The following BECN2 variants were observed in gnomAD, a reference collection of about 807,000 sequenced individuals.
The protein encoded by BECN2 is beclin-2.
For missense variants in BECN2, 428 were observed against 507.9 expected, an observed-to-expected ratio of 0.84 and a Z score of 1.51; for synonymous variants, 173 against 220.1, an observed-to-expected ratio of 0.79 and a Z score of 1.90.
At position 241,958,595 on chromosome 1, in the gene BECN2, A is replaced by C; in HGVS notation, c.829A>C (p.Thr277Pro). 1 of 1,231,688 alleles carries C rather than the reference A, an allele frequency of 8.1e-7. No individual in the cohort carries two copies. The highest frequency in any genetic ancestry group is 1.6e-5 in the African/African-American group (1 of 64,516). 76.3% of individuals were successfully genotyped at this position (1,231,688 alleles called of 1,614,324 possible). ...INNFRLGRLP[T>P]VRVGWNEINT... ...TAACTTCAGGTTGGGCCGCCTCCCC[A>C]CTGTCCGTGTGGGCTGGAATGAGAT... The change falls in exon 1 of 1, where the codon ACT (threonine) becomes CCT (proline). Residue 277 changes from threonine to proline, a missense_variant. Thr to Pro is a conservative substitution (Grantham distance 38, BLOSUM62 -1). Transcript: ENST00000419583.
In BECN2 at chr1:241,958,023, A is replaced by G. The variant is rs1420825125; in HGVS notation, c.257A>G (p.Glu86Gly). ...GCCAACATCTTCACCCTGCTGGGGG[A>G]GCTTGGCGCCATGCACATGCTCAGT... ...GHANIFTLLG[E>G]LGAMHMLSSI... The change falls in exon 1 of 1, where the codon GAG (glutamate) becomes GGG (glycine). Residue 86 changes from glutamate (E) to glycine (G), a missense_variant. By Grantham distance (98) the Glu-to-Gly change is moderately conservative. Transcript: ENST00000419583. 1.6e-6 allele frequency: 2 copies of G among 1,231,906 alleles called. No homozygotes were observed. The highest frequency in any genetic ancestry group is 4.2e-5 in the Admixed American group (1 of 23,710). The allele number at this position is 1,231,906 out of a possible 1,614,324, so 76.3% of individuals were successfully genotyped here. A position where few individuals can be genotyped will look rare whatever the true frequency, so the allele number is the denominator to read the frequency against.
chr1:241,957,815 C>G lies in BECN2; in HGVS notation c.49C>G (p.Leu17Val). 8.1e-7 allele frequency: 1 copy of G among 1,231,818 alleles called. No individual in the cohort carries two copies. The allele number at this position is 1,231,818 out of a possible 1,614,324, so 76.3% of individuals were successfully genotyped here. The change falls in exon 1 of 1, where the codon CTG (leucine) becomes GTG (valine). Residue 17 changes from leucine (L) to valine (V), a missense_variant. Leu to Val is a conservative substitution (Grantham distance 32, BLOSUM62 1). Transcript: ENST00000419583. ...CCAGCGCTGCCACCAGGCCCTGAAG[C>G]TGAGCGGCTCCTCGGAGTCTAGGAG... Reference protein sequence around the residue: ...LCQRCHQALKLSGSSESRSLP... With the variant: ...LCQRCHQALKVSGSSESRSLP...
Position 241,958,238 on chromosome 1 carries a change from G to C in BECN2, c.472G>C (p.Glu158Gln). Reference protein sequence around the residue: ...ETGELATSEDEAAALRAELRD... With the variant: ...ETGELATSEDQAAALRAELRD... ...CGGGGAGCTGGCGACCAGCGAGGAC[G>C]AGGCGGCGGCGCTGCGGGCGGAGCT... The change falls in exon 1 of 1, where the codon GAG (glutamate) becomes CAG (glutamine). Residue 158 changes from glutamate (E) to glutamine (Q), a missense_variant. Physicochemically the swap from Glu to Gln is conservative, Grantham distance 29. Coordinates refer to ENST00000419583, the MANE Select transcript of BECN2 (RefSeq NM_001290693.1). The C allele has an allele frequency of 1.6e-6, 2 of 1,233,576 alleles. No homozygotes were observed. The highest frequency in any genetic ancestry group is 2.0e-6 in the Non-Finnish European group (2 of 989,430). 76.4% of individuals were successfully genotyped at this position (1,233,576 alleles called of 1,614,324 possible).
At position 241,958,616 on chromosome 1, in the gene BECN2, G is replaced by C; in HGVS notation, c.850G>C (p.Glu284Gln). The change falls in exon 1 of 1, where the codon GAG (glutamate) becomes CAG (glutamine). Residue 284 changes from glutamate to glutamine, a missense_variant. Coordinates refer to ENST00000419583, the MANE Select transcript of BECN2 (RefSeq NM_001290693.1). ...CCCCACTGTCCGTGTGGGCTGGAATGAGATTAACACTGCCTGGGGACAGGC... is the reference window on the plus strand; with the variant it reads ...CCCCACTGTCCGTGTGGGCTGGAATCAGATTAACACTGCCTGGGGACAGGC... ...RLPTVRVGWN[E>Q]INTAWGQAAL... The C allele has an allele frequency of 8.1e-7, 1 of 1,231,784 alleles. No individual in the cohort carries two copies. The highest frequency in any genetic ancestry group is 1.0e-6 in the Non-Finnish European group (1 of 988,018). 76.3% of individuals were successfully genotyped at this position (1,231,784 alleles called of 1,614,324 possible).
Position 241,958,078 on chromosome 1 carries a change from T to G in BECN2, c.312T>G (p.Phe104Leu), listed in dbSNP as rs1664455689. 2.4e-6 allele frequency: 3 copies of G among 1,231,878 alleles called. No individual in the cohort carries two copies. The highest frequency in any genetic ancestry group is 3.0e-6 in the Non-Finnish European group (3 of 988,152). 76.3% of individuals were successfully genotyped at this position (1,231,878 alleles called of 1,614,324 possible). A position where few individuals can be genotyped will look rare whatever the true frequency, so the allele number is the denominator to read the frequency against. Residue 104 changes from phenylalanine to leucine, a missense_variant, in exon 1 of 1, where the codon TTT becomes TTG. Coordinates refer to ENST00000419583, the MANE Select transcript of BECN2 (RefSeq NM_001290693.1). ...SSIQKAAGDI[F>L]DIVSGQAVVD... ...TCCAGAAGGCAGCTGGTGACATTTT[T>G]GACATAGTCTCTGGCCAAGCAGTTG...
Position 241,957,861 on chromosome 1 carries a change from C to T in BECN2, c.95C>T (p.Pro32Leu), listed in dbSNP as rs554618230. ...AGGAGCCTCCCTGCAGCCCCGGCGC[C>T]CACCTCTGGGCAGGCTGAGCCCGGA... ...ESRSLPAAPA[P>L]TSGQAEPGDT... Residue 32 changes from proline (P) to leucine (L), a missense_variant, in exon 1 of 1, where the codon CCC becomes CTC. Transcript: ENST00000419583. 33 of 1,231,610 alleles carry T rather than the reference C, an allele frequency of 2.7e-5. No individual in the cohort carries two copies. Among genetic ancestry groups the T allele is most frequent in the Admixed American group, 1.7e-4 (4 of 23,704 alleles). 76.3% of individuals were successfully genotyped at this position (1,231,610 alleles called of 1,614,324 possible).
chr1:241,957,877 T>TGAGCCC lies in BECN2; in HGVS notation c.113_118dup (p.Glu38_Pro39dup). ...CCCCGGCGCCCACCTCTGGGCAGGC[T>TGAGCCC]GAGCCCGGAGACACCCGGGAGCCCG... On this transcript the variant is annotated inframe_insertion, in exon 1 of 1. Coordinates refer to ENST00000419583, the MANE Select transcript of BECN2 (RefSeq NM_001290693.1). 1.6e-6 allele frequency: 2 copies of TGAGCCC among 1,231,394 alleles called. No individual in the cohort carries two copies. The highest frequency in any genetic ancestry group is 6.3e-5 in the East Asian group (2 of 31,688). 76.3% of individuals were successfully genotyped at this position (1,231,394 alleles called of 1,614,324 possible).
chr1:241,958,171 C>T lies in BECN2; in HGVS notation c.405C>T (p.Leu135=). The change falls in exon 1 of 1, where the codon CTC becomes CTT. Residue 135 remains leucine, a synonymous_variant. Coordinates refer to ENST00000419583, the MANE Select transcript of BECN2 (RefSeq NM_001290693.1). The part of the protein sequence containing the change: ...LLEQLDIQLA[L]TEADSQNYQR... ...AGCAGCTGGACATCCAGCTCGCTCT[C>T]ACAGAAGCTGACAGTCAGAACTACC... 2 of 1,232,194 alleles carry T rather than the reference C, an allele frequency of 1.6e-6. No homozygotes were observed. Among genetic ancestry groups the T allele is most frequent in the Non-Finnish European group, 2.0e-6 (2 of 988,262 alleles). The allele number at this position is 1,232,194 out of a possible 1,614,324, so 76.3% of individuals were successfully genotyped here.
rs1348641388 is a variant in BECN2, at chr1:241,957,959, A to C, written c.193A>C (p.Arg65=). Residue 65 remains arginine, a synonymous_variant, in exon 1 of 1, where the codon AGA becomes CGA. Coordinates refer to ENST00000419583, the MANE Select transcript of BECN2 (RefSeq NM_001290693.1). Reference sequence around the variant, plus strand: ...GGAGCAACAGGACGGTGCCTCTAGCAGATCCCCTCCAGGCGATGGCAGTGT... The same window carrying C: ...GGAGCAACAGGACGGTGCCTCTAGCCGATCCCCTCCAGGCGATGGCAGTGT... ...AEEQQDGASS[R]SPPGDGSVSK... The C allele has an allele frequency of 1.6e-6, 2 of 1,231,738 alleles. No individual in the cohort carries two copies. Among genetic ancestry groups the C allele is most frequent in the Admixed American group, 4.2e-5 (1 of 23,696 alleles). The allele number at this position is 1,231,738 out of a possible 1,614,324, so 76.3% of individuals were successfully genotyped here. A position where few individuals can be genotyped will look rare whatever the true frequency, so the allele number is the denominator to read the frequency against.
Position 241,958,722 on chromosome 1 carries a change from C to T in BECN2, c.956C>T (p.Ser319Leu). 2.4e-6 allele frequency: 3 copies of T among 1,231,746 alleles called. No homozygotes were observed. The highest frequency in any genetic ancestry group is 3.1e-4 in the Middle Eastern group (1 of 3,208). 76.3% of individuals were successfully genotyped at this position (1,231,746 alleles called of 1,614,324 possible). Residue 319 changes from serine (S) to leucine (L), a missense_variant, in exon 1 of 1, where the codon TCG becomes TTG. By Grantham distance (145) the Ser-to-Leu change is moderately radical. Coordinates refer to ENST00000419583, the MANE Select transcript of BECN2 (RefSeq NM_001290693.1). ...CGACTCATCCCCTGCGGAAACCATT[C>T]GTATCTGAAGTCTTTAACAGATGAC... ...RYRLIPCGNH[S>L]YLKSLTDDRT...
In BECN2 at chr1:241,958,304, C is replaced by A; in HGVS notation, c.538C>A (p.Leu180Met). The change falls in exon 1 of 1, where the codon CTG becomes ATG. Residue 180 changes from leucine (L) to methionine (M), a missense_variant. Physicochemically the swap from Leu to Met is conservative, Grantham distance 15. Coordinates refer to ENST00000419583, the MANE Select transcript of BECN2 (RefSeq NM_001290693.1). Reference sequence around the variant, plus strand: ...GGAGGAGGCCAGGCTGGTGCAGGAGCTGGAGGATGTGGACAGGAACAATGC... The same window carrying A: ...GGAGGAGGCCAGGCTGGTGCAGGAGATGGAGGATGTGGACAGGAACAATGC... Reference protein sequence around the residue: ...ELEEARLVQELEDVDRNNARA... With the variant: ...ELEEARLVQEMEDVDRNNARA... 1 of 1,233,734 alleles carries A rather than the reference C, an allele frequency of 8.1e-7. No homozygotes were observed. Among genetic ancestry groups the A allele is most frequent in the Non-Finnish European group, 1.0e-6 (1 of 989,526 alleles). 76.4% of individuals were successfully genotyped at this position (1,233,734 alleles called of 1,614,324 possible).
Position 241,957,835 on chromosome 1 carries a change from T to C in BECN2, c.69T>C (p.Ser23=). 1 of 1,231,776 alleles carries C rather than the reference T, an allele frequency of 8.1e-7. No homozygotes were observed. Among genetic ancestry groups the C allele is most frequent in the African/African-American group, 1.5e-5 (1 of 64,534 alleles). 76.3% of individuals were successfully genotyped at this position (1,231,776 alleles called of 1,614,324 possible). Reference sequence around the variant, plus strand: ...TGAAGCTGAGCGGCTCCTCGGAGTCTAGGAGCCTCCCTGCAGCCCCGGCGC... The same window carrying C: ...TGAAGCTGAGCGGCTCCTCGGAGTCCAGGAGCCTCCCTGCAGCCCCGGCGC... ...QALKLSGSSE[S]RSLPAAPAPT... The change falls in exon 1 of 1, where the codon TCT becomes TCC. Residue 23 remains serine (S), a synonymous_variant. Coordinates refer to ENST00000419583, the MANE Select transcript of BECN2 (RefSeq NM_001290693.1).
At position 241,957,858 on chromosome 1, in the gene BECN2, C is replaced by T. The variant is rs1664451758; in HGVS notation, c.92C>T (p.Ala31Val). The change falls in exon 1 of 1, where the codon GCG becomes GTG. Residue 31 changes from alanine (A) to valine (V), a missense_variant. Physicochemically the swap from Ala to Val is moderately conservative, Grantham distance 64. Transcript: ENST00000419583. ...SESRSLPAAP[A>V]PTSGQAEPGD... ...TCTAGGAGCCTCCCTGCAGCCCCGGCGCCCACCTCTGGGCAGGCTGAGCCC... is the reference window on the plus strand; with the variant it reads ...TCTAGGAGCCTCCCTGCAGCCCCGGTGCCCACCTCTGGGCAGGCTGAGCCC... 1.6e-5 allele frequency: 20 copies of T among 1,231,522 alleles called. No homozygotes were observed. In the South Asian group the frequency reaches 1.6e-4, roughly 10 times the overall value. 76.3% of individuals were successfully genotyped at this position (1,231,522 alleles called of 1,614,324 possible).
rs1664472259 is a variant in BECN2, at chr1:241,958,801, C to A, written c.1035C>A (p.Asn345Lys). ...CYGGQDVFLN[N>K]KYDRAMVAFL... ...GGGGGCAGGATGTTTTCCTCAATAACAAGTATGACCGCGCGATGGTGGCCT... is the reference window on the plus strand; with the variant it reads ...GGGGGCAGGATGTTTTCCTCAATAAAAAGTATGACCGCGCGATGGTGGCCT... Residue 345 changes from asparagine (N) to lysine (K), a missense_variant, in exon 1 of 1, where the codon AAC (asparagine) becomes AAA (lysine). Asn to Lys is a moderately conservative substitution (Grantham distance 94, BLOSUM62 0). Coordinates refer to ENST00000419583, the MANE Select transcript of BECN2 (RefSeq NM_001290693.1). 8.9e-6 allele frequency: 11 copies of A among 1,231,858 alleles called. No homozygotes were observed. Among genetic ancestry groups the A allele is most frequent in the Non-Finnish European group, 1.0e-5 (10 of 988,102 alleles). 76.3% of individuals were successfully genotyped at this position (1,231,858 alleles called of 1,614,324 possible).
At chr1:241,958,894 C>G in the BECN2 span, 16 of 1,231,876 alleles carry the variant, frequency 1.3e-5, no homozygotes, top group Non-Finnish European at 1.4e-5. Flanking sequence ...CTCTGCCCTA[C>G]GGGATCCAGG....
In BECN2 at chr1:241,958,789, T is replaced by C. The variant is rs1173642482; in HGVS notation, c.1023T>C (p.Val341=). The C allele has an allele frequency of 8.1e-7, 1 of 1,231,672 alleles. No homozygotes were observed. Among genetic ancestry groups the C allele is most frequent in the Non-Finnish European group, 1.0e-6 (1 of 988,064 alleles). The allele number at this position is 1,231,672 out of a possible 1,614,324, so 76.3% of individuals were successfully genotyped here. A position where few individuals can be genotyped will look rare whatever the true frequency, so the allele number is the denominator to read the frequency against. Residue 341 remains valine (V), a synonymous_variant, in exon 1 of 1, where the codon GTT becomes GTC. Transcript: ENST00000419583. ...LPLFCYGGQD[V]FLNNKYDRAM... ...TGTTCTGTTATGGGGGGCAGGATGT[T>C]TTCCTCAATAACAAGTATGACCGCG...
rs1467847860 is a variant in BECN2 at position 241,958,629 on chromosome 1, C to A, written c.863C>A (p.Ala288Asp). The A allele has an allele frequency of 8.1e-7, 1 of 1,231,778 alleles. No homozygotes were observed. Among genetic ancestry groups the A allele is most frequent in the East Asian group, 3.2e-5 (1 of 31,708 alleles). 76.3% of individuals were successfully genotyped at this position (1,231,778 alleles called of 1,614,324 possible). Reference protein sequence around the residue: ...VRVGWNEINTAWGQAALLLLT... With the variant: ...VRVGWNEINTDWGQAALLLLT... Reference sequence around the variant, plus strand: ...GTGGGCTGGAATGAGATTAACACTGCCTGGGGACAGGCGGCCTTGCTGCTC... The same window carrying A: ...GTGGGCTGGAATGAGATTAACACTGACTGGGGACAGGCGGCCTTGCTGCTC... The change falls in exon 1 of 1, where the codon GCC becomes GAC. Residue 288 changes from alanine (A) to aspartate (D), a missense_variant. By Grantham distance (126) the Ala-to-Asp change is moderately radical. Coordinates refer to ENST00000419583, the MANE Select transcript of BECN2 (RefSeq NM_001290693.1).
In BECN2 at chr1:241,958,441, G is replaced by C; in HGVS notation, c.675G>C (p.Leu225=). The C allele has an allele frequency of 8.1e-7, 1 of 1,231,902 alleles. No homozygotes were observed. The highest frequency in any genetic ancestry group is 1.0e-6 in the Non-Finnish European group (1 of 988,070). 76.3% of individuals were successfully genotyped at this position (1,231,902 alleles called of 1,614,324 possible). A position where few individuals can be genotyped will look rare whatever the true frequency, so the allele number is the denominator to read the frequency against. ...YSALKRQQLE[L]LDQLGNVENQ... Reference sequence around the variant, plus strand: ...CCTTGAAGCGGCAGCAGCTGGAACTGCTTGATCAGCTGGGGAACGTGGAGA... The same window carrying C: ...CCTTGAAGCGGCAGCAGCTGGAACTCCTTGATCAGCTGGGGAACGTGGAGA... The change falls in exon 1 of 1, where the codon CTG becomes CTC. Residue 225 remains leucine, a synonymous_variant. Coordinates refer to ENST00000419583, the MANE Select transcript of BECN2 (RefSeq NM_001290693.1).
rs1418641796 is a variant in BECN2, at chr1:241,959,050, G to C, written c.1284G>C (p.Arg428Ser). 3.2e-6 allele frequency: 4 copies of C among 1,231,630 alleles called. No individual in the cohort carries two copies. Among genetic ancestry groups the C allele is most frequent in the Middle Eastern group, 3.1e-4 (1 of 3,230 alleles). 76.3% of individuals were successfully genotyped at this position (1,231,630 alleles called of 1,614,324 possible). A position where few individuals can be genotyped will look rare whatever the true frequency, so the allele number is the denominator to read the frequency against. The change falls in exon 1 of 1, where the codon AGG (arginine) becomes AGC (serine). Residue 428 changes from arginine (R) to serine (S), a missense_variant. Arg to Ser is a moderately radical substitution (Grantham distance 110). Transcript: ENST00000419583. ...FKWSLIWVAS[R>S]YQK ...GGAGTCTCATCTGGGTTGCCTCAAG[G>C]TATCAAAAGTAGCTTTCTTGAGTCT...
Sources: allele counts gnomAD v4.1 joint callset, GRCh38; gene constraint gnomAD v4.1.1; transcripts MANE v1.5; gene names NCBI Gene and HGNC (gene_info 2026-07-23, HGNC 2026-07-21).